Variants in NIBAN1 observed in about 807,000 individuals in gnomAD.
NIBAN1 encodes the protein protein Niban 1.
A neutral mutation model predicts 75.1 loss-of-function variants in NIBAN1; 81 were observed. The ratio of observed to expected loss-of-function variants is 1.08; its 90% CI spans 0.90 to 1.30. The LOEUF is 1.30. Ranked by LOEUF, NIBAN1 falls within the 50% of genes most tolerant of loss-of-function variation. The probability of loss-of-function intolerance (pLI) is 0.00; values close to 1 mark genes in which losing one functional copy is unlikely to be tolerated. For synonymous variants in NIBAN1, 436 were observed against 424.8 expected (o/e 1.03, Z -0.32); for missense variants, 1,133 against 1,128.1 (o/e 1.00, Z -0.06).
chr1:184,962,833 C>T (rs1025167246), intron 1 of NIBAN1, among the ~76,000 whole-genome samples: 5 of 151,986 alleles, frequency 3.3e-5, no homozygotes, highest in African/African-American at 1.2e-4. Flanking sequence ...TGTCAAGAAA[C>T]CAGTAACTTA....
chr1:184,901,836 A>T (rs1656964342), intron 1 of NIBAN1, among the ~76,000 whole-genome samples: 2 of 152,208 alleles, frequency 1.3e-5, no homozygotes. Context: ...ATACTGTCCC[A>T]TTAACACATC....
chr1:184,803,719 T>G, intron 11 of NIBAN1, 27 bp from the exon 12 acceptor site: 1 of 1,578,818 alleles, frequency 6.3e-7, no homozygotes, highest in Admixed American at 1.7e-5. Flanking sequence ...ATATGTTAAA[T>G]AGTAACATTA....
At chr1:184,942,912 T>C (rs975175096) in intron 1 of NIBAN1, among the ~76,000 whole-genome samples, 5 of 152,118 alleles carry the variant, frequency 3.3e-5, no homozygotes, top group Non-Finnish European at 7.4e-5. Context: ...GGATGTTCCA[T>C]AAAAATCCTC....
intron 5 of NIBAN1, among the ~76,000 whole-genome samples, chr1:184,857,319 C>T (rs1180322579): frequency 6.6e-6 from 1 of 152,184 alleles, no homozygotes; most frequent in Non-Finnish European, 1.5e-5. Context: ...TTCTCCTTTG[C>T]TGTGTCCTAA....
chr1:184,974,187 TC>T (rs1659013815), intron 1 of NIBAN1, 114 bp downstream of exon 1: 2 of 1,094,028 alleles, frequency 1.8e-6, no homozygotes, highest in Non-Finnish European at 2.4e-6. Context: ...CGGTCGGGGA[TC>T]CCCGCGCGCT....
chr1:184,843,569 G>A (rs185034359), intron 5 of NIBAN1, among the ~76,000 whole-genome samples: 9 of 152,206 alleles, frequency 5.9e-5, no homozygotes, highest in African/African-American at 1.7e-4. Flanking sequence ...CTATCACCCC[G>A]TGTGCCATAG....
chr1:184,973,666 A>G (rs1209993036), intron 1 of NIBAN1, among the ~76,000 whole-genome samples: 1 of 152,182 alleles, frequency 6.6e-6, no homozygotes, highest in African/African-American at 2.4e-5. Flanking sequence ...GTCTCCCTAA[A>G]TGAGTTTCTC....
intron 5 of NIBAN1, among the ~76,000 whole-genome samples, chr1:184,883,123 T>C (rs1206165297): frequency 1.3e-5 from 2 of 152,146 alleles, no homozygotes; most frequent in African/African-American, 2.4e-5. Context: ...CAGGGAAACC[T>C]CTGAATTTTA....
chr1:184,884,941 C>G, intron 4 of NIBAN1, 141 bp from the exon 5 acceptor site: 3 of 1,055,210 alleles, frequency 2.8e-6, no homozygotes, highest in Non-Finnish European at 4.0e-6. Flanking sequence ...GATAGGGAAA[C>G]TGGGAGCACT....
intron 1 of NIBAN1, among the ~76,000 whole-genome samples, chr1:184,915,057 T>C (rs559389810): frequency 4.3e-4 from 66 of 152,368 alleles, no homozygotes; most frequent in African/African-American, 1.5e-3. Context: ...GTGTGGCTAA[T>C]GGTTACCATA....
At chr1:184,839,928 G>C (rs1002068938) in intron 5 of NIBAN1, among the ~76,000 whole-genome samples, 3 of 152,054 alleles carry the variant, frequency 2.0e-5, no homozygotes, top group Non-Finnish European at 4.4e-5. Context: ...TATTTTAAAA[G>C]AGACTTTTCT....
intron 5 of NIBAN1, chr1:184,868,516 C>T (rs1358084010): frequency 6.6e-6 from 1 of 152,116 alleles, no homozygotes; most frequent in South Asian, 2.1e-4. Context: ...ATAGAGTACA[C>T]AGTTTACCAC....
Position 184,795,844 on chromosome 1 carries a change from A to G in NIBAN1, c.1920T>C (p.Leu640=). ...GGGGTGGGCTTGGCCCAGGGAGAGAAAGGCTTTCTCCTTTGGCCAACGAGC... is the reference window on the plus strand; with the variant it reads ...GGGGTGGGCTTGGCCCAGGGAGAGAGAGGCTTTCTCCTTTGGCCAACGAGC... The part of the protein sequence containing the change: ...VPSSLAKGES[L]SLPGPSPPPD... The change falls in exon 14 of 14, where the codon CTT becomes CTC. Residue 640 remains leucine, a synonymous_variant. Coordinates refer to ENST00000367511, the MANE Select transcript of NIBAN1 (RefSeq NM_052966.4). 6.2e-7 allele frequency: 1 copy of G among 1,610,078 alleles called. No individual in the cohort carries two copies.
intron 1 of NIBAN1, among the ~76,000 whole-genome samples, chr1:184,930,352 T>C (rs1158817745): frequency 6.6e-6 from 1 of 152,142 alleles, no homozygotes; most frequent in Admixed American, 6.5e-5. Flanking sequence ...TGCCACAACA[T>C]AGAGAGATGT....
chr1:184,925,950 A>T (rs1163386884), intron 1 of NIBAN1, among the ~76,000 whole-genome samples: 1 of 152,106 alleles, frequency 6.6e-6, no homozygotes, highest in Non-Finnish European at 1.5e-5. Flanking sequence ...CCAATGCTTT[A>T]TTCTTGCTCA....
intron 1 of NIBAN1, among the ~76,000 whole-genome samples, chr1:184,931,159 C>A (rs754711350): frequency 1.3e-5 from 2 of 151,970 alleles, no homozygotes; most frequent in Admixed American, 6.6e-5. Context: ...ACTACCCTAC[C>A]CGGCTAGTTT....
At chr1:184,855,628 A>AT (rs1239660336) in intron 5 of NIBAN1, among the ~76,000 whole-genome samples, 3 of 151,814 alleles carry the variant, frequency 2.0e-5, no homozygotes, top group Non-Finnish European at 4.4e-5. Flanking sequence ...CCACTCTACT[A>AT]TTTTTCCACA....
At chr1:184,868,102 T>C in intron 5 of NIBAN1, 2 of 970,600 alleles carry the variant, frequency 2.1e-6, no homozygotes, top group South Asian at 4.8e-5. Context: ...GATGTGAAAA[T>C]GGGTGCTTTG....
chr1:184,828,620 G>C (rs540109055), intron 6 of NIBAN1, among the ~76,000 whole-genome samples: 25 of 152,100 alleles, frequency 1.6e-4, no homozygotes, highest in Non-Finnish European at 2.9e-4. Context: ...CCTTTTACCA[G>C]CTTCTCCAAG....
Sources: gnomAD v4.1 joint callset for allele counts (sites outside exome capture counted in the v4.1 genomes callset) on GRCh38, gnomAD v4.1.1 for gene constraint, MANE v1.5 for transcripts, NCBI Gene and HGNC (gene_info 2026-07-23, HGNC 2026-07-21) for gene names.